The following LIMCH1 variants were observed in gnomAD, a reference collection of about 807,000 sequenced individuals.
LIMCH1 encodes the protein LIM and calponin homology domains 1.
In LIMCH1, 113 loss-of-function variants were observed where a neutral mutation model predicts 176.5. That is an observed-to-expected ratio of 0.64 (90% CI 0.55 to 0.75). LIMCH1 has a LOEUF of 0.75. Ranked by LOEUF, LIMCH1 falls within the 30% of genes least tolerant of loss-of-function variation. The pLI is 0.00. For synonymous variants in LIMCH1, 619 were observed against 645.9 expected (o/e 0.96, Z 0.63); for missense variants, 1,674 against 1,814.9 (o/e 0.92, Z 1.41).
At chr4:41,454,150 G>A (rs1022190961) in intron 1 of LIMCH1, among the ~76,000 whole-genome samples, 3 of 151,976 alleles carry the variant, frequency 2.0e-5, no homozygotes, top group Admixed American at 6.6e-5. Flanking sequence ...GTGCCTTCAT[G>A]CTCCCTTCAT....
Position 41,626,712 on chromosome 4 carries a change from A to T in LIMCH1, c.730A>T (p.Lys244Ter), listed in dbSNP as rs1349580287. ...MPAAQRFASQ[K>*]QLSEEKEAIR... Reference sequence around the variant, plus strand: ...CATTTAATTTTCCCCTATCAGTCAAAAACAATTAAGTGAAGAGAAAGAAGC... The same window carrying T: ...CATTTAATTTTCCCCTATCAGTCAATAACAATTAAGTGAAGAGAAAGAAGC... The change falls in exon 8 of 32, where the codon AAA (lysine) becomes TAA (stop). Residue 244 changes from lysine to a stop codon, truncating the protein, a stop_gained. Transcript: ENST00000503057. LOFTEE classifies it high-confidence loss of function. The T allele has an allele frequency of 6.5e-7, 1 of 1,535,044 alleles. No homozygotes were observed. The highest frequency in any genetic ancestry group is 2.4e-5 in the East Asian group (1 of 40,888).
At chr4:41,590,621 T>C (rs2087362229) in intron 1 of LIMCH1, among the ~76,000 whole-genome samples, 1 of 152,182 alleles carries the variant, frequency 6.6e-6, no homozygotes, top group Non-Finnish European at 1.5e-5. Flanking sequence ...TTTTCTCTTC[T>C]GTGATCCGCT....
At chr4:41,445,848 C>T (rs2063225594) in intron 1 of LIMCH1, among the ~76,000 whole-genome samples, 1 of 152,172 alleles carries the variant, frequency 6.6e-6, no homozygotes, top group Admixed American at 6.5e-5. Context: ...GATGCATTCC[C>T]AGAATGGTTC....
intron 8 of LIMCH1, among the ~76,000 whole-genome samples, chr4:41,629,062 CA>C (rs1430146190): frequency 6.6e-6 from 1 of 152,188 alleles, no homozygotes; most frequent in Non-Finnish European, 1.5e-5. Flanking sequence ...TTGGATCATG[CA>C]GAGCTCATTA....
intron 1 of LIMCH1, among the ~76,000 whole-genome samples, chr4:41,427,773 G>A (rs889827698): frequency 2.0e-5 from 3 of 152,092 alleles, no homozygotes; most frequent in Non-Finnish European, 4.4e-5. Flanking sequence ...AAAACAGGAC[G>A]TCTTCCTTCT....
At chr4:41,563,718 T>C (rs2082354537) in intron 1 of LIMCH1, among the ~76,000 whole-genome samples, 1 of 152,186 alleles carries the variant, frequency 6.6e-6, no homozygotes, top group African/African-American at 2.4e-5. Flanking sequence ...ATGCTTTGCA[T>C]GACAATGCCC....
intron 7 of LIMCH1, among the ~76,000 whole-genome samples, chr4:41,621,514 T>C (rs1360688884): frequency 6.6e-6 from 1 of 152,068 alleles, no homozygotes; most frequent in Non-Finnish European, 1.5e-5. Context: ...ATTTTTTTTT[T>C]TTTTTGAGAT....
At chr4:41,644,362 T>C (rs1269845277) in intron 14 of LIMCH1, 138 bp from the exon 15 acceptor site, 2 of 1,168,726 alleles carry the variant, frequency 1.7e-6, no homozygotes, top group Non-Finnish European at 2.3e-6. Flanking sequence ...ACACCGCCAG[T>C]CACGCGCTGT....
chr4:41,435,898 G>A (rs1456386161), intron 1 of LIMCH1, among the ~76,000 whole-genome samples: 1 of 152,184 alleles, frequency 6.6e-6, no homozygotes, highest in Admixed American at 6.5e-5. Context: ...TTATTGACAT[G>A]ATGATTCCTA....
chr4:41,527,850 C>A lies in LIMCH1; in HGVS notation c.237+3372C>A, dbSNP rs77957667. Reference sequence around the variant, plus strand: ...AAAAAAAAAAAAAAAAAAAAAAAAACTGCCCCATCCCCAAAAGGCTGGAAA... The same window carrying A: ...AAAAAAAAAAAAAAAAAAAAAAAAAATGCCCCATCCCCAAAAGGCTGGAAA... On this transcript the variant is annotated intron_variant, in intron 3 of 26. Coordinates refer to the LIMCH1 transcript ENST00000313860. 1.5e-3 allele frequency among the ~76,000 whole-genome samples: 186 copies of A among 123,508 alleles called. 1 individual carries two copies. The highest frequency in any genetic ancestry group is 3.8e-3 in the Admixed American group (47 of 12,308). The allele number at this position is 123,508 out of a possible 152,430, so 81.0% of individuals were successfully genotyped here.
chr4:41,556,068 G>A (rs764932327), intron 1 of LIMCH1, among the ~76,000 whole-genome samples: 1 of 151,928 alleles, frequency 6.6e-6, no homozygotes, highest in Non-Finnish European at 1.5e-5. Context: ...AGAGTGGTTG[G>A]CAGAGTCCTC....
At chr4:41,613,732 G>A (rs1173515604) in intron 5 of LIMCH1, 71 bp downstream of exon 5, 2 of 1,327,772 alleles carry the variant, frequency 1.5e-6, no homozygotes, top group Admixed American at 3.5e-5. Context: ...GCGCCTGGCA[G>A]AGGGATGGGC....
chr4:41,431,232 C>G (rs142295043), intron 1 of LIMCH1, among the ~76,000 whole-genome samples: 98 of 152,204 alleles, frequency 6.4e-4, no homozygotes, highest in Non-Finnish European at 1.2e-3. Context: ...GAGGAAGGGT[C>G]AAAGCTTTGA....
At chr4:41,544,500 C>A (rs552281930) in intron 1 of LIMCH1, among the ~76,000 whole-genome samples, 17 of 152,216 alleles carry the variant, frequency 1.1e-4, no homozygotes, top group South Asian at 1.0e-3. Context: ...CAGAGAGAAG[C>A]CTGCAGAGTA....
chr4:41,424,614 G>A (rs2060908609), intron 1 of LIMCH1, among the ~76,000 whole-genome samples: 1 of 152,098 alleles, frequency 6.6e-6, no homozygotes, highest in Non-Finnish European at 1.5e-5. Context: ...ACTTATGAAT[G>A]TTCACATTGA....
intron 1 of LIMCH1, among the ~76,000 whole-genome samples, chr4:41,565,386 C>CACACACAG (rs1554102450): frequency 7.2e-6 from 1 of 139,634 alleles, no homozygotes; most frequent in African/African-American, 2.7e-5. Flanking sequence ...CACACACATA[C>CACACACAG]ACACACACAC....
At chr4:41,419,736 TCCC>T (rs1269816038) in intron 1 of LIMCH1, among the ~76,000 whole-genome samples, 1 of 137,516 alleles carries the variant, frequency 7.3e-6, no homozygotes, top group Non-Finnish European at 1.5e-5. Flanking sequence ...CCTTTCTTCC[TCCC>T]CTCCTTCTTT....
chr4:41,469,444 T>C (rs2154158164), intron 1 of LIMCH1, among the ~76,000 whole-genome samples: 1 of 151,538 alleles, frequency 6.6e-6, no homozygotes, highest in South Asian at 2.1e-4. Context: ...GACTCCCCTG[T>C]ACTTGTCAAA....
At chr4:41,613,753 C>T in intron 5 of LIMCH1, 92 bp downstream of exon 5, 1 of 1,066,938 alleles carries the variant, frequency 9.4e-7, no homozygotes, top group Non-Finnish European at 1.4e-6. Context: ...ACTGGGAAAG[C>T]AGGCTCCATA....
Sources: gnomAD v4.1 joint callset for allele counts (sites outside exome capture counted in the v4.1 genomes callset) on GRCh38, gnomAD v4.1.1 for gene constraint, MANE v1.5 for transcripts, NCBI Gene and HGNC (gene_info 2026-07-23, HGNC 2026-07-21) for gene names.